The following GRK2 variants were observed in gnomAD, a reference collection of about 807,000 sequenced individuals.
The protein encoded by GRK2 is G protein-coupled receptor kinase 2.
GRK2 carries 23 observed loss-of-function variants against 97.8 expected under a neutral mutation model. The observed-to-expected ratio is 0.24, with a 90% CI of 0.17 to 0.33. The LOEUF is 0.33. GRK2 is among the 10% of genes least tolerant of loss of function. The pLI, the probability that GRK2 is intolerant of heterozygous loss-of-function variation, is 1.00. For missense variants in GRK2, 633 were observed against 956.9 expected (o/e 0.66, Z 4.47); for synonymous variants, 425 against 381.7 (o/e 1.11, Z -1.32).
chr11:67,279,345 C>T (rs1298719244), intron 3 of GRK2, 72 bp downstream of exon 3: 1 of 1,606,822 alleles, frequency 6.2e-7, no homozygotes, highest in African/African-American at 1.3e-5. Context: ...TTGTGGAACC[C>T]ACAAGCTGCC....
chr11:67,284,166 C>G (rs1039558108), intron 17 of GRK2, 45 bp from the exon 18 acceptor site: 2 of 1,607,954 alleles, frequency 1.2e-6, no homozygotes, highest in African/African-American at 2.7e-5. Flanking sequence ...GGTATTCCGG[C>G]ATCTCTGTCC....
rs750199666 is a variant in GRK2 at position 67,285,161 on chromosome 11, T to C, written c.1878T>C (p.Gly626=). The C allele has an allele frequency of 8.7e-6, 14 of 1,613,386 alleles. 1 individual carries two copies. The South Asian group carries it at 1.4e-4, about 16-fold the overall frequency. The stretch of plus-strand genomic sequence containing the variant: ...AGTGCCTGCTCCTCAAGATCCGCGG[T>C]GGGAAACAGTTCATTTTGCAGTGCG... ...ERKCLLLKIR[G]GKQFILQCDS... is the part of the protein sequence containing the mutation. The change falls in exon 20 of 21, where the codon GGT becomes GGC. Residue 626 remains glycine, a synonymous_variant. Transcript: ENST00000308595.
At position 67,266,688 on chromosome 11, in the gene GRK2, G is replaced by C. The variant is rs1859807393; in HGVS notation, c.-12G>C. 3 of 1,178,018 alleles carry C rather than the reference G, an allele frequency of 2.5e-6. No homozygotes were observed. Among genetic ancestry groups the C allele is most frequent in the Admixed American group, 4.6e-5 (1 of 21,736 alleles). 73.0% of individuals were successfully genotyped at this position (1,178,018 alleles called of 1,614,324 possible). On this transcript the variant is annotated 5_prime_UTR_variant, in exon 1 of 21. Coordinates refer to ENST00000308595, the MANE Select transcript of GRK2 (RefSeq NM_001619.5). ...GGCGGCGGCGGCGGGAGGAGGCAGC[G>C]CCGCCGCCAAGATGGCGGACCTGGA...
chr11:67,276,613 T>C lies in GRK2; in HGVS notation c.114-659T>C, dbSNP rs1860032637. The C allele has an allele frequency of 6.6e-6, 1 of 152,196 alleles. No homozygotes were observed. The highest frequency in any genetic ancestry group is 6.5e-5 in the Admixed American group (1 of 15,280). 9.4% of individuals were successfully genotyped at this position (152,196 alleles called of 1,614,324 possible). ...TGCAATTCATATAAAATTCATCATT[T>C]TATTATACAATGTAGTGTTTTTTAG... On this transcript the variant is annotated intron_variant, in intron 1 of 20. Coordinates refer to ENST00000308595, the MANE Select transcript of GRK2 (RefSeq NM_001619.5). This position sits in a 1 kb window ranked among gnomAD's most constrained non-coding sequence, Gnocchi z 4.2.
rs1445262015 is a variant in GRK2, at chr11:67,281,985, C to T, written c.957+33C>T. On this transcript the variant is annotated intron_variant, in intron 11 of 20. Coordinates refer to ENST00000308595, the MANE Select transcript of GRK2 (RefSeq NM_001619.5). The surrounding 1 kb of genome is among the most constrained non-coding windows in gnomAD (Gnocchi z 5.7). ...CCCCTGCTGTCCCCAGGCTGGACCTCCGTGGCTGTCCTCTCCTTCCTCTCG... is the reference window on the plus strand; with the variant it reads ...CCCCTGCTGTCCCCAGGCTGGACCTTCGTGGCTGTCCTCTCCTTCCTCTCG... 4 of 1,611,996 alleles carry T rather than the reference C, an allele frequency of 2.5e-6. No individual in the cohort carries two copies. In the East Asian group the frequency reaches 6.7e-5, roughly 27 times the overall value.
intron 1 of GRK2, among the ~76,000 whole-genome samples, chr11:67,267,527 CT>C (rs1859824701): frequency 6.6e-6 from 1 of 152,216 alleles, no homozygotes; most frequent in Non-Finnish European, 1.5e-5. Context: ...GCCCTCTCCC[CT>C]ACATTTCTCC....
chr11:67,283,091 T>C, intron 14 of GRK2, 37 bp from the exon 15 acceptor site: 1 of 1,597,098 alleles, frequency 6.3e-7, no homozygotes, highest in African/African-American at 1.3e-5. Flanking sequence ...CAAGGGCTCT[T>C]CCTAAGCCCC....
At chr11:67,279,736 C>A (rs372936823) in intron 5 of GRK2, 36 bp downstream of exon 5, 9 of 1,613,274 alleles carry the variant, frequency 5.6e-6, no homozygotes, top group Non-Finnish European at 7.6e-6. Flanking sequence ...GGCAAGGTCA[C>A]CTTGGACAGC....
rs569426656 is a variant in GRK2 at position 67,276,886 on chromosome 11, A to G, written c.114-386A>G. 5.9e-6 allele frequency: 1 copy of G among 169,048 alleles called. No homozygotes were observed. Among genetic ancestry groups the G allele is most frequent in the East Asian group, 1.6e-4 (1 of 6,086 alleles). 10.5% of individuals were successfully genotyped at this position (169,048 alleles called of 1,614,324 possible). A position where few individuals can be genotyped will look rare whatever the true frequency, so the allele number is the denominator to read the frequency against. ...CCTTGTTCCTTTTTACAGCCGAGCCATGTGCTGCTGCGTGGAGATGCCACA... is the reference window on the plus strand; with the variant it reads ...CCTTGTTCCTTTTTACAGCCGAGCCGTGTGCTGCTGCGTGGAGATGCCACA... On this transcript the variant is annotated intron_variant, in intron 1 of 20. Coordinates refer to ENST00000308595, the MANE Select transcript of GRK2 (RefSeq NM_001619.5). This position sits in a 1 kb window ranked among gnomAD's most constrained non-coding sequence, Gnocchi z 4.2.
chr11:67,281,629 T>G lies in GRK2; in HGVS notation c.748-21T>G. ...GCGCCCCTGCTAACTGCCCGCCCCC[T>G]CCCCTCCTCTCCCCTCCTAGGACTG... On this transcript the variant is annotated intron_variant, in intron 9 of 20. Transcript: ENST00000308595. The surrounding 1 kb of genome is among the most constrained non-coding windows in gnomAD (Gnocchi z 5.7). The G allele has an allele frequency of 2.6e-4, 152 of 574,074 alleles. No homozygotes were observed. Among genetic ancestry groups the G allele is most frequent in the Non-Finnish European group, 3.6e-4 (137 of 377,266 alleles). 35.6% of individuals were successfully genotyped at this position (574,074 alleles called of 1,614,324 possible). A position where few individuals can be genotyped will look rare whatever the true frequency, so the allele number is the denominator to read the frequency against.
In GRK2 at chr11:67,281,682, G is replaced by A. The variant is rs377123753; in HGVS notation, c.780G>A (p.Ala260=). ...DCPFIVCMSY[A]FHTPDKLSFI... is the part of the protein sequence containing the mutation. ...CATTCATTGTCTGCATGTCATACGC[G>A]TTCCACACGCCAGACAAGCTCAGCT... is the stretch of plus-strand genomic sequence containing the variant. Residue 260 remains alanine (A), a synonymous_variant, in exon 10 of 21, where the codon GCG becomes GCA. Coordinates refer to ENST00000308595, the MANE Select transcript of GRK2 (RefSeq NM_001619.5). This position sits in a 1 kb window ranked among gnomAD's most constrained non-coding sequence, Gnocchi z 5.7. The A allele has an allele frequency of 1.6e-5, 26 of 1,607,574 alleles. No homozygotes were observed. The highest frequency in any genetic ancestry group is 3.4e-5 in the Admixed American group (2 of 59,550).
At chr11:67,270,109 G>A (rs973384979) in intron 1 of GRK2, among the ~76,000 whole-genome samples, 6 of 152,142 alleles carry the variant, frequency 3.9e-5, no homozygotes, top group East Asian at 1.9e-4. Flanking sequence ...AAAACGAGGC[G>A]GCTGCCCCTT....
intron 6 of GRK2, chr11:67,280,393 G>C (rs1860123286): frequency 2.3e-6 from 1 of 438,808 alleles, no homozygotes; most frequent in Non-Finnish European, 4.2e-6. Context: ...TGTGTCACTG[G>C]GGGTATGCAA....
Position 67,283,858 on chromosome 11 carries a change from C to T in GRK2, c.1400C>T (p.Pro467Leu). 1 of 1,613,012 alleles carries T rather than the reference C, an allele frequency of 6.2e-7. No homozygotes were observed. The highest frequency in any genetic ancestry group is 8.5e-7 in the Non-Finnish European group (1 of 1,179,754). ...ATGACCCCTGTTCTGCTGCAGTACC[C>T]TCCCCCGCTGATCCCCCCACGAGGG... is the stretch of plus-strand genomic sequence containing the variant. ...DWQMVFLQKY[P>L]PPLIPPRGEV... The change falls in exon 17 of 21, where the codon CCT (proline) becomes CTT (leucine). Residue 467 changes from proline (P) to leucine (L), a missense_variant. This residue lies in a region of GRK2 where 68 missense variants were observed against 71.0 expected (regional missense o/e 0.96). Transcript: ENST00000308595.
In GRK2 at chr11:67,280,712, C is replaced by T. The variant is rs772995942; in HGVS notation, c.504-20C>T. On this transcript the variant is annotated intron_variant, in intron 6 of 20. Transcript: ENST00000308595. ...TCCCACATTCTGAGTGGCCCCTGAGCCCTGATTCTTCTTTTCCAGCGATAA... is the reference window on the plus strand; with the variant it reads ...TCCCACATTCTGAGTGGCCCCTGAGTCCTGATTCTTCTTTTCCAGCGATAA... The T allele has an allele frequency of 5.5e-5, 88 of 1,613,822 alleles. 1 individual carries two copies. Among genetic ancestry groups the T allele is most frequent in the Non-Finnish European group, 7.1e-5 (84 of 1,179,954 alleles).
chr11:67,285,252 C>G, intron 20 of GRK2, 34 bp from the exon 21 acceptor site: 1 of 1,609,330 alleles, frequency 6.2e-7, no homozygotes, highest in Non-Finnish European at 8.5e-7. Flanking sequence ...CTGGGGAGAG[C>G]CCCAGCTGAC....
chr11:67,277,490 C>T (rs1860056495), intron 2 of GRK2, 142 bp downstream of exon 2: 3 of 725,668 alleles, frequency 4.1e-6, no homozygotes, highest in Non-Finnish European at 6.9e-6. Flanking sequence ...CCAGGGCTTG[C>T]TCCAAGTCGC....
intron 7 of GRK2, 152 bp downstream of exon 7, chr11:67,280,935 C>T: frequency 8.7e-7 from 1 of 1,145,398 alleles, no homozygotes; most frequent in African/African-American, 1.5e-5. Context: ...GCCGGGATCC[C>T]AGCATGGGGA....
At chr11:67,284,003 AG>A in intron 17 of GRK2, 54 bp downstream of exon 17, 1 of 1,497,234 alleles carries the variant, frequency 6.7e-7, no homozygotes, top group Non-Finnish European at 9.2e-7. Flanking sequence ...GGCCTGGGGA[AG>A]GATCCCTCTC....
Sources: gnomAD v4.1 joint callset for allele counts (sites outside exome capture counted in the v4.1 genomes callset) on GRCh38, gnomAD v4.1.1 for gene constraint, gnomAD v4.1.1 regional missense constraint, Gnocchi (gnomAD v3.1) non-coding constraint, MANE v1.5 for transcripts, NCBI Gene and HGNC (gene_info 2026-07-23, HGNC 2026-07-21) for gene names.